Variants in EFTUD2 observed in about 807,000 individuals in gnomAD.
EFTUD2 encodes elongation factor Tu GTP binding domain containing 2, also known as 116 kDa U5 small nuclear ribonucleoprotein component.
In EFTUD2, 9 loss-of-function variants were observed where a neutral mutation model predicts 114.3. The ratio of observed to expected loss-of-function variants is 0.08; its 90% CI spans 0.05 to 0.14. The LOEUF is 0.14. Among genes scored for constraint, EFTUD2 ranks in the 10% least tolerant of loss-of-function variants. The probability of loss-of-function intolerance (pLI) is 1.00; values close to 1 mark genes in which losing one functional copy is unlikely to be tolerated. For synonymous variants in EFTUD2, 449 were observed against 462.3 expected, an observed-to-expected ratio of 0.97 and a Z score of 0.37; for missense variants, 765 against 1,241.2, an observed-to-expected ratio of 0.62 and a Z score of 5.76.
At chr17:44,866,205 T>C (rs189429644) in intron 13 of EFTUD2, among the ~76,000 whole-genome samples, 4 of 152,312 alleles carry the variant, frequency 2.6e-5, no homozygotes, top group Admixed American at 2.0e-4. Flanking sequence ...TCACATATTG[T>C]GCAAACAGTT....
At chr17:44,857,357 T>C (rs1254411945) in intron 19 of EFTUD2, 200 bp from the exon 20 acceptor site, 8 of 497,470 alleles carry the variant, frequency 1.6e-5, no homozygotes, top group Non-Finnish European at 3.0e-5. Flanking sequence ...AAACTTACTG[T>C]AGTAAAGAAA....
chr17:44,885,075 A>C (rs1184563881), intron 4 of EFTUD2, among the ~76,000 whole-genome samples, 181 bp downstream of exon 4: 1 of 152,212 alleles, frequency 6.6e-6, no homozygotes, highest in Non-Finnish European at 1.5e-5. Context: ...TTGGATGAAC[A>C]CCAAGAGAAA....
At chr17:44,895,122 GGA>G (rs139046216) in intron 1 of EFTUD2, among the ~76,000 whole-genome samples, 20,193 of 152,232 alleles carry the variant, frequency 0.13, 1,459 homozygotes, top group Middle Eastern at 0.17. Context: ...AAATTGCCAG[GGA>G]AAAAGTCAAA....
chr17:44,868,346 G>T lies in EFTUD2; in HGVS notation c.999C>A (p.Asp333Glu). The stretch of plus-strand genomic sequence containing the variant: ...TTTTAGCAAATTCTTGGTAATTAAT[G>T]TCACCTATGGGAGAAGCCACACAAT... The part of the protein sequence containing the change: ...FAKIYADTFG[D>E]INYQEFAKRL... Residue 333 changes from aspartate to glutamate, a missense_variant, in exon 12 of 28, where the codon GAC (aspartate) becomes GAA (glutamate). This residue lies in a region of EFTUD2 where 251 missense variants were observed against 357.7 expected (regional missense o/e 0.70). Coordinates refer to ENST00000426333, the MANE Select transcript of EFTUD2 (RefSeq NM_004247.4). 1.2e-6 allele frequency: 2 copies of T among 1,613,872 alleles called. No homozygotes were observed. Among genetic ancestry groups the T allele is most frequent in the Non-Finnish European group, 1.7e-6 (2 of 1,179,880 alleles).
At chr17:44,879,677 G>C in intron 8 of EFTUD2, 39 bp from the exon 9 acceptor site, 21 of 1,596,170 alleles carry the variant, frequency 1.3e-5, no homozygotes, top group Non-Finnish European at 1.8e-5. Flanking sequence ...ACTTGGTGCA[G>C]GATAAAGCAC....
intron 11 of EFTUD2, among the ~76,000 whole-genome samples, chr17:44,870,112 G>A (rs1262272840): frequency 2.6e-5 from 4 of 152,156 alleles, no homozygotes; most frequent in African/African-American, 9.7e-5. Context: ...TGACTTTACA[G>A]AAGTCTACAC....
In EFTUD2 at chr17:44,894,535, A is replaced by C. The variant is rs1341977647; in HGVS notation, c.-4-10T>G. 1 of 1,598,674 alleles carries C rather than the reference A, an allele frequency of 6.3e-7. No individual in the cohort carries two copies. Among genetic ancestry groups the C allele is most frequent in the Non-Finnish European group, 8.6e-7 (1 of 1,166,474 alleles). On this transcript the variant is annotated splice_polypyrimidine_tract_variant and intron_variant, in intron 1 of 27. Transcript: ENST00000426333. ...GTCGGTATCCATGATGCTAAAATTC[A>C]AGGAGAGAAGAGTTAGATTCTGACA...
chr17:44,879,889 A>G (rs2051039204), intron 8 of EFTUD2, among the ~76,000 whole-genome samples: 1 of 152,092 alleles, frequency 6.6e-6, no homozygotes, highest in South Asian at 2.1e-4. Flanking sequence ...ATGAGTCCAC[A>G]CACACAGACC....
chr17:44,852,670 T>A, intron 25 of EFTUD2, 108 bp from the exon 26 acceptor site: 1 of 1,333,402 alleles, frequency 7.5e-7, no homozygotes, highest in Non-Finnish European at 1.0e-6. Context: ...AGAGTTACCA[T>A]CAAAGAAAGA....
At chr17:44,852,601 A>G (rs1395523603) in intron 25 of EFTUD2, 39 bp from the exon 26 acceptor site, 46 of 1,608,006 alleles carry the variant, frequency 2.9e-5, no homozygotes, top group Non-Finnish European at 3.8e-5. Flanking sequence ...CTAGTCAAAC[A>G]TAGGCCAAAA....
chr17:44,893,354 C>T (rs555032300), intron 2 of EFTUD2, among the ~76,000 whole-genome samples: 62 of 152,250 alleles, frequency 4.1e-4, no homozygotes, highest in African/African-American at 1.4e-3. Context: ...AACTCCTGAC[C>T]GTGTGATCTG....
rs2051146144 is a variant in EFTUD2, at chr17:44,885,239, GA to G, written c.350+16del. 3 of 1,602,960 alleles carry G rather than the reference GA, an allele frequency of 1.9e-6. No homozygotes were observed. The African/African-American group carries it at 4.0e-5, about 22-fold the overall frequency. ...CACAGCATTCCTGCAGAGAAGCTGA[GA>G]AACCTTGTAACTTACTCCATCTCAT... On this transcript the variant is annotated intron_variant, in intron 4 of 27. Transcript: ENST00000426333.
chr17:44,872,779 A>C, intron 10 of EFTUD2: 3 of 405,258 alleles, frequency 7.4e-6, no homozygotes, highest in Non-Finnish European at 8.4e-6. Flanking sequence ...GATTTCCCAG[A>C]GCTGGGAACA....
chr17:44,874,024 G>A (rs554069409), intron 10 of EFTUD2, among the ~76,000 whole-genome samples: 10 of 147,360 alleles, frequency 6.8e-5, no homozygotes, highest in African/African-American at 2.3e-4. Flanking sequence ...GTGAGCCACC[G>A]TGCCCGGCCT....
chr17:44,896,946 G>C (rs1203424446), intron 1 of EFTUD2, among the ~76,000 whole-genome samples: 1 of 152,184 alleles, frequency 6.6e-6, no homozygotes, highest in Non-Finnish European at 1.5e-5. Context: ...GCTGGGTGCA[G>C]TGGCTCACGC....
At chr17:44,885,424 G>A in intron 3 of EFTUD2, 90 bp from the exon 4 acceptor site, 1 of 856,622 alleles carries the variant, frequency 1.2e-6, no homozygotes, top group South Asian at 1.4e-5. Context: ...CTTTCAGAAT[G>A]TATGATGTAT....
At chr17:44,892,074 T>C (rs2051290307) in intron 2 of EFTUD2, 1 of 152,236 alleles carries the variant, frequency 6.6e-6, no homozygotes, top group African/African-American at 2.4e-5. Context: ...ACTGGGTTTT[T>C]AGTCCCAAAT....
At chr17:44,892,430 TG>T (rs2051295664) in intron 2 of EFTUD2, 1 of 152,318 alleles carries the variant, frequency 6.6e-6, no homozygotes, top group Non-Finnish European at 1.5e-5. Flanking sequence ...TGTGTCCCAC[TG>T]TTCAACCAGC....
At chr17:44,863,388 C>A in intron 15 of EFTUD2, 1 of 359,454 alleles carries the variant, frequency 2.8e-6, no homozygotes, top group Non-Finnish European at 5.1e-6. Flanking sequence ...CTTCCTTAAT[C>A]TTATTTAAAT....
Sources: allele counts gnomAD v4.1 joint callset (sites outside exome capture counted in the v4.1 genomes callset), GRCh38; gene constraint gnomAD v4.1.1; regional missense constraint gnomAD v4.1.1; transcripts MANE v1.5; gene names NCBI Gene and HGNC (gene_info 2026-07-23, HGNC 2026-07-21).